ROBO1: variants seen among roughly 807,000 people sequenced by gnomAD.
ROBO1 encodes the protein roundabout guidance receptor 1, also known as roundabout homolog 1.
A neutral mutation model predicts 195.9 loss-of-function variants in ROBO1; 149 were observed. That is an observed-to-expected ratio of 0.76 (90% CI 0.67 to 0.87). The LOEUF (loss-of-function observed/expected upper bound fraction) is 0.87. ROBO1 is among the 40% of genes least tolerant of loss of function. The pLI is 0.00. For missense variants in ROBO1, 1,933 were observed against 2,068.3 expected, an observed-to-expected ratio of 0.93 and a Z score of 1.27; for synonymous variants, 816 against 733.2, an observed-to-expected ratio of 1.11 and a Z score of -1.82.
At position 79,667,929 on chromosome 3, in the gene ROBO1, A is replaced by C. The variant is rs543056044; in HGVS notation, c.-50-77968T>G. Among the ~76,000 whole-genome samples the C allele has an allele frequency of 8.8e-4, 134 of 151,968 alleles. 1 individual carries two copies. The highest frequency in any genetic ancestry group is 3.0e-3 in the African/African-American group (126 of 41,544). On this transcript the variant is annotated intron_variant, in intron 1 of 30. Coordinates refer to ENST00000464233, the MANE Select transcript of ROBO1 (RefSeq NM_002941.4). ...AAAAAATTTCACTTATAACATATGAAGAAACATGCTGTGCTTTAGGAATTA... is the reference window on the plus strand; with the variant it reads ...AAAAAATTTCACTTATAACATATGACGAAACATGCTGTGCTTTAGGAATTA...
At chr3:79,433,122 C>T (rs1354364716) in intron 2 of ROBO1, among the ~76,000 whole-genome samples, 1 of 152,082 alleles carries the variant, frequency 6.6e-6, no homozygotes, top group Non-Finnish European at 1.5e-5. Context: ...ATCCCATCAC[C>T]TAGGTATTAA....
intron 1 of ROBO1, among the ~76,000 whole-genome samples, chr3:79,671,579 T>C (rs1035004548): frequency 6.6e-6 from 1 of 151,884 alleles, no homozygotes; most frequent in Admixed American, 6.6e-5. Flanking sequence ...CACAAACTTA[T>C]GGTTAACATT....
At chr3:79,078,878 T>C (rs2079220599) in intron 3 of ROBO1, among the ~76,000 whole-genome samples, 1 of 151,762 alleles carries the variant, frequency 6.6e-6, no homozygotes, top group African/African-American at 2.4e-5. Flanking sequence ...TCCAGGTGTT[T>C]TGGTTTGTAG....
At chr3:79,114,205 G>A (rs1272497877) in intron 3 of ROBO1, among the ~76,000 whole-genome samples, 2 of 152,054 alleles carry the variant, frequency 1.3e-5, no homozygotes, top group Non-Finnish European at 2.9e-5. Context: ...ACCCAGTCTT[G>A]GGTATGTCTT....
chr3:79,716,692 A>T (rs1190647313), intron 1 of ROBO1, among the ~76,000 whole-genome samples: 1 of 152,002 alleles, frequency 6.6e-6, no homozygotes, highest in African/African-American at 2.4e-5. Flanking sequence ...GTTGGTCCTC[A>T]GCCAGTAATA....
At chr3:79,730,982 T>C (rs1703126339) in intron 1 of ROBO1, among the ~76,000 whole-genome samples, 1 of 152,004 alleles carries the variant, frequency 6.6e-6, no homozygotes, top group Non-Finnish European at 1.5e-5. Flanking sequence ...TTTCACTGTG[T>C]TAGCCAGGAT....
intron 2 of ROBO1, among the ~76,000 whole-genome samples, chr3:79,403,707 T>G (rs2037446508): frequency 1.3e-5 from 2 of 151,966 alleles, no homozygotes. Context: ...ATAAACTACA[T>G]AGTCAAATTT....
intron 2 of ROBO1, among the ~76,000 whole-genome samples, chr3:79,584,509 A>T (rs940174531): frequency 3.9e-4 from 59 of 151,482 alleles, no homozygotes; most frequent in Non-Finnish European, 2.5e-4. Flanking sequence ...CAATGAGCAG[A>T]GTGGGAGGAA....
chr3:79,613,659 C>T (rs1201033866), intron 1 of ROBO1, among the ~76,000 whole-genome samples: 1 of 151,976 alleles, frequency 6.6e-6, no homozygotes, highest in African/African-American at 2.4e-5. Flanking sequence ...AAGAAACACA[C>T]AATATCACTT....
chr3:79,225,649 G>A (rs1350896636), intron 2 of ROBO1, among the ~76,000 whole-genome samples: 1 of 152,114 alleles, frequency 6.6e-6, no homozygotes, highest in African/African-American at 2.4e-5. Flanking sequence ...CTAATGGGTT[G>A]GTTCCTCCAC....
chr3:78,870,261 T>G (rs2035467967), intron 4 of ROBO1, among the ~76,000 whole-genome samples: 1 of 152,282 alleles, frequency 6.6e-6, no homozygotes, highest in Non-Finnish European at 1.5e-5. Context: ...TGCCTAAAAG[T>G]GACAGAATAC....
chr3:79,697,950 T>C (rs912858625), intron 1 of ROBO1, among the ~76,000 whole-genome samples: 11 of 151,532 alleles, frequency 7.3e-5, no homozygotes, highest in African/African-American at 2.7e-4. Context: ...AAAAATCTAA[T>C]ATTTTTAAAA....
chr3:79,310,508 A>G (rs956485194), intron 2 of ROBO1, among the ~76,000 whole-genome samples: 2 of 152,154 alleles, frequency 1.3e-5, no homozygotes, highest in Admixed American at 1.3e-4. Flanking sequence ...CTACCATCCA[A>G]TATAACTCTA....
chr3:78,723,198 T>C (rs2082083551), intron 5 of ROBO1, among the ~76,000 whole-genome samples: 1 of 152,106 alleles, frequency 6.6e-6, no homozygotes, highest in South Asian at 2.1e-4. Context: ...CTTTTCTACA[T>C]TTAGATAGAT....
intron 2 of ROBO1, among the ~76,000 whole-genome samples, chr3:79,400,648 C>A (rs776032392): frequency 1.3e-5 from 2 of 151,950 alleles, no homozygotes; most frequent in African/African-American, 2.4e-5. Flanking sequence ...TACAGCAAGA[C>A]TTTCATATTG....
intron 2 of ROBO1, among the ~76,000 whole-genome samples, chr3:79,438,555 T>C (rs2107103511): frequency 6.6e-6 from 1 of 152,148 alleles, no homozygotes; most frequent in East Asian, 1.9e-4. Context: ...ATATGGCCAC[T>C]GATACTTATA....
At chr3:78,882,748 A>G (rs904931711) in intron 4 of ROBO1, among the ~76,000 whole-genome samples, 3 of 150,932 alleles carry the variant, frequency 2.0e-5, no homozygotes, top group Non-Finnish European at 2.9e-5. Context: ...ATTTTTACCA[A>G]CTACTTGGGG....
intron 10 of ROBO1, among the ~76,000 whole-genome samples, chr3:78,671,089 C>T (rs997594604): frequency 3.9e-5 from 6 of 151,952 alleles, no homozygotes; most frequent in Admixed American, 6.6e-5. Flanking sequence ...TAACATACTA[C>T]GGAAAATAAC....
chr3:79,293,264 C>T (rs182920436), intron 2 of ROBO1, among the ~76,000 whole-genome samples: 2 of 152,198 alleles, frequency 1.3e-5, no homozygotes, highest in East Asian at 3.9e-4. Flanking sequence ...TTTGATTCTT[C>T]TCTCTTTTCC....
Sources: gnomAD v4.1 joint callset for allele counts (sites outside exome capture counted in the v4.1 genomes callset) on GRCh38, gnomAD v4.1.1 for gene constraint, MANE v1.5 for transcripts, NCBI Gene and HGNC (gene_info 2026-07-23, HGNC 2026-07-21) for gene names.